Variants in CEP112 observed in about 807,000 individuals in gnomAD.
The protein encoded by CEP112 is centrosomal protein of 112 kDa.
CEP112 carries 127 observed loss-of-function variants against 153.0 expected under a neutral mutation model. The ratio of observed to expected loss-of-function variants is 0.83; its 90% CI spans 0.72 to 0.96. The LOEUF (loss-of-function observed/expected upper bound fraction) is 0.96. CEP112 is among the 40% of genes least tolerant of loss of function. CEP112 has a pLI of 0.00. For synonymous variants in CEP112, 358 were observed against 374.4 expected (o/e 0.96, Z 0.51); for missense variants, 1,089 against 1,101.2 (o/e 0.99, Z 0.16).
intron 20 of CEP112, among the ~76,000 whole-genome samples, chr17:65,869,884 C>T (rs572401198): frequency 2.2e-4 from 33 of 151,502 alleles, no homozygotes; most frequent in Non-Finnish European, 4.6e-4. Context: ...CACGCCAGGC[C>T]GATAAACTTT....
At chr17:65,843,452 A>G (rs993734199) in intron 21 of CEP112, among the ~76,000 whole-genome samples, 1 of 152,210 alleles carries the variant, frequency 6.6e-6, no homozygotes, top group African/African-American at 2.4e-5. Context: ...CAAAGGAAAA[A>G]GTCATGGAAA....
chr17:66,022,488 C>T (rs1313546008), intron 16 of CEP112, among the ~76,000 whole-genome samples: 5 of 151,908 alleles, frequency 3.3e-5, no homozygotes, highest in Non-Finnish European at 7.4e-5. Flanking sequence ...GTGGGCAGAT[C>T]ACAAGGTCAG....
At chr17:65,642,769 A>ACCAGACCTCAGGG (rs1328653908) in intron 24 of CEP112, among the ~76,000 whole-genome samples, 1 of 152,180 alleles carries the variant, frequency 6.6e-6, no homozygotes, top group Non-Finnish European at 1.5e-5. Flanking sequence ...TGCTTTATAA[A>ACCAGACCTCAGGG]CCAGACCTCA....
At position 65,635,820 on chromosome 17, in the gene CEP112, T is replaced by C; in HGVS notation, c.*151A>G. The C allele has an allele frequency of 1.3e-6, 1 of 763,278 alleles. No individual in the cohort carries two copies. Among genetic ancestry groups the C allele is most frequent in the South Asian group, 1.8e-5 (1 of 54,478 alleles). 47.3% of individuals were successfully genotyped at this position (763,278 alleles called of 1,614,324 possible). A position where few individuals can be genotyped will look rare whatever the true frequency, so the allele number is the denominator to read the frequency against. On this transcript the variant is annotated 3_prime_UTR_variant, in exon 27 of 27. Transcript: ENST00000535342. Reference sequence around the variant, plus strand: ...CAAATAAAACCACCCCACTAGTGTATGAATGATGCATGTTTTTATGATCTT... The same window carrying C: ...CAAATAAAACCACCCCACTAGTGTACGAATGATGCATGTTTTTATGATCTT...
intron 23 of CEP112, among the ~76,000 whole-genome samples, chr17:65,697,885 C>T (rs1194119916): frequency 2.0e-5 from 3 of 152,148 alleles, no homozygotes; most frequent in African/African-American, 7.2e-5. Flanking sequence ...ACAGGTTATG[C>T]TGCAGATCTA....
intron 21 of CEP112, among the ~76,000 whole-genome samples, chr17:65,789,447 GCTT>G (rs763838802): frequency 1.3e-5 from 2 of 152,046 alleles, no homozygotes; most frequent in Non-Finnish European, 2.9e-5. Context: ...AATTTTCATT[GCTT>G]CTTAGCAAAT....
At chr17:65,759,098 C>T (rs921035550) in intron 21 of CEP112, among the ~76,000 whole-genome samples, 3 of 152,122 alleles carry the variant, frequency 2.0e-5, no homozygotes, top group Admixed American at 6.5e-5. Context: ...GACCTCTGGT[C>T]GTCCTTGCTG....
At chr17:66,055,658 C>A (rs1177250514) in intron 11 of CEP112, among the ~76,000 whole-genome samples, 4 of 152,164 alleles carry the variant, frequency 2.6e-5, no homozygotes, top group Admixed American at 1.3e-4. Context: ...AATAGCCCAT[C>A]AAAACTTAGT....
rs1304529317 is a variant in CEP112 at position 65,869,999 on chromosome 17, A to C, written c.2164-17965T>G. Among the ~76,000 whole-genome samples, 3 of 149,240 alleles carry C rather than the reference A, an allele frequency of 2.0e-5. No individual in the cohort carries two copies. In the East Asian group the frequency reaches 5.9e-4, roughly 29 times the overall value. On this transcript the variant is annotated intron_variant, in intron 20 of 26. Transcript: ENST00000535342. ...TATCTTGCCTGCAAAAGAGGACAGT[A>C]CTCTAGGTAGAGAATAAGAAAGAAA...
In CEP112 at chr17:65,836,499, T is replaced by C. The variant is rs531001506; in HGVS notation, c.2394+15305A>G. ...AAAAGAGCAGGAATAGTTACACTTA[T>C]ATTAGTTTATGTTGACTTTAAGAAC... On this transcript the variant is annotated intron_variant, in intron 21 of 26. Transcript: ENST00000535342. Among the ~76,000 whole-genome samples the C allele has an allele frequency of 4.6e-5, 7 of 152,340 alleles. No homozygotes were observed. In the East Asian group the frequency reaches 1.2e-3, roughly 25 times the overall value.
intron 17 of CEP112, among the ~76,000 whole-genome samples, chr17:65,967,539 A>C (rs1238794578): frequency 6.6e-6 from 1 of 152,196 alleles, no homozygotes; most frequent in Non-Finnish European, 1.5e-5. Context: ...GGAAAAGATG[A>C]AAATATAAGG....
At chr17:65,930,846 G>T (rs559427096) in intron 18 of CEP112, among the ~76,000 whole-genome samples, 2 of 129,894 alleles carry the variant, frequency 1.5e-5, no homozygotes, top group East Asian at 8.9e-4. Flanking sequence ...ACTATCAGTA[G>T]GTCTTTTCAT....
rs185358185 is a variant in CEP112 at position 65,669,689 on chromosome 17, G to A, written c.2697+19440C>T. Among the ~76,000 whole-genome samples the A allele has an allele frequency of 1.7e-3, 261 of 152,260 alleles. 1 individual carries two copies. Among genetic ancestry groups the A allele is most frequent in the African/African-American group, 6.2e-3 (256 of 41,562 alleles). On this transcript the variant is annotated intron_variant, in intron 24 of 26. Coordinates refer to ENST00000535342, the MANE Select transcript of CEP112 (RefSeq NM_001199165.4). ...GGGGCCAAGGCGGGTGGATCACGAGGTCAGGAGATCGAGACCATCCTGGCT... is the reference window on the plus strand; with the variant it reads ...GGGGCCAAGGCGGGTGGATCACGAGATCAGGAGATCGAGACCATCCTGGCT...
At chr17:65,990,010 T>C (rs2063539873) in intron 17 of CEP112, among the ~76,000 whole-genome samples, 1 of 151,942 alleles carries the variant, frequency 6.6e-6, no homozygotes, top group African/African-American at 2.4e-5. Flanking sequence ...GTAACCACAA[T>C]GCAAAAACCT....
At chr17:65,866,156 C>A (rs1333955446) in intron 20 of CEP112, among the ~76,000 whole-genome samples, 1 of 152,182 alleles carries the variant, frequency 6.6e-6, no homozygotes, top group Non-Finnish European at 1.5e-5. Context: ...ATTTCCCCAA[C>A]AGGGTCAGAG....
intron 6 of CEP112, among the ~76,000 whole-genome samples, chr17:66,126,346 A>G (rs926344974): frequency 6.6e-6 from 1 of 152,228 alleles, no homozygotes; most frequent in East Asian, 1.9e-4. Context: ...GAAAAACCAA[A>G]TAAGACATAA....
chr17:65,890,318 C>G (rs2059418923), intron 20 of CEP112, among the ~76,000 whole-genome samples: 1 of 152,222 alleles, frequency 6.6e-6, no homozygotes, highest in African/African-American at 2.4e-5. Flanking sequence ...AACTTCTCAA[C>G]ATGGTACGTG....
intron 20 of CEP112, among the ~76,000 whole-genome samples, chr17:65,855,758 C>A (rs965860677): frequency 1.3e-5 from 2 of 152,114 alleles, no homozygotes; most frequent in South Asian, 2.1e-4. Context: ...ACAGATGAAA[C>A]AAGAATTTTT....
chr17:65,982,252 G>T lies in CEP112; in HGVS notation c.1737-20654C>A, dbSNP rs561479736. ...ATTTTTTATGATAATAACTATACAT[G>T]GATGGATATGGAAGGTAAAAATTCG... is the stretch of plus-strand genomic sequence containing the variant. On this transcript the variant is annotated intron_variant, in intron 17 of 26. Transcript: ENST00000535342. Among the ~76,000 whole-genome samples the T allele has an allele frequency of 5.3e-5, 8 of 152,180 alleles. 1 individual carries two copies. The South Asian group carries it at 1.7e-3, about 32-fold the overall frequency.
Sources: gnomAD v4.1 joint callset for allele counts (sites outside exome capture counted in the v4.1 genomes callset) on GRCh38, gnomAD v4.1.1 for gene constraint, MANE v1.5 for transcripts, NCBI Gene and HGNC (gene_info 2026-07-23, HGNC 2026-07-21) for gene names.